PACS1: variants seen among roughly 807,000 people sequenced by gnomAD.
PACS1 encodes the protein PACS-1.
PACS1 carries 24 observed loss-of-function variants against 115.0 expected under a neutral mutation model. That is an observed-to-expected ratio of 0.21 (90% CI 0.15 to 0.29). The LOEUF (loss-of-function observed/expected upper bound fraction) is 0.29. PACS1 is among the 10% of genes least tolerant of loss of function. The probability of loss-of-function intolerance (pLI) is 1.00; values close to 1 mark genes in which losing one functional copy is unlikely to be tolerated. For missense variants in PACS1, 838 were observed against 1,251.2 expected, an observed-to-expected ratio of 0.67 and a Z score of 4.98; for synonymous variants, 453 against 504.5, an observed-to-expected ratio of 0.90 and a Z score of 1.37.
chr11:66,096,209 C>CTTTTTTTTTTT (rs66569530), intron 1 of PACS1, among the ~76,000 whole-genome samples: 25 of 119,508 alleles, frequency 2.1e-4, no homozygotes, highest in East Asian at 2.9e-4. Context: ...CTTTTTCTTT[C>CTTTTTTTTTTT]TTTTTTTTTT....
At chr11:66,185,183 T>C (rs1860098070) in intron 1 of PACS1, among the ~76,000 whole-genome samples, 1 of 152,176 alleles carries the variant, frequency 6.6e-6, no homozygotes, top group South Asian at 2.1e-4. Context: ...CCAAGATTCG[T>C]TGTTTTGTTA....
intron 1 of PACS1, among the ~76,000 whole-genome samples, chr11:66,087,092 GC>G (rs1378108381): frequency 6.6e-6 from 1 of 151,782 alleles, no homozygotes; most frequent in African/African-American, 2.4e-5. Context: ...CATTACCAAC[GC>G]CCCAGAACAT....
intron 1 of PACS1, among the ~76,000 whole-genome samples, chr11:66,071,952 C>T (rs952257614): frequency 2.0e-5 from 3 of 152,168 alleles, no homozygotes; most frequent in African/African-American, 7.2e-5. Flanking sequence ...AGGAACAGAG[C>T]ATTATCGCTT....
chr11:66,193,393 A>G, intron 1 of PACS1, 93 bp from the exon 2 acceptor site: 2 of 789,182 alleles, frequency 2.5e-6, no homozygotes, highest in East Asian at 2.6e-5. Flanking sequence ...TCACATTCTT[A>G]CTTCAGGTAA....
intron 1 of PACS1, among the ~76,000 whole-genome samples, chr11:66,119,179 C>A (rs531241345): frequency 6.6e-6 from 1 of 152,224 alleles, no homozygotes; most frequent in Non-Finnish European, 1.5e-5. Context: ...GATCACCAGA[C>A]TCTGTGGCCC....
intron 1 of PACS1, among the ~76,000 whole-genome samples, chr11:66,119,911 C>T (rs976593864): frequency 1.3e-5 from 2 of 152,096 alleles, no homozygotes; most frequent in African/African-American, 4.8e-5. Flanking sequence ...CCGTTCAGCT[C>T]AGTAGAGACA....
rs191832808 is a variant in PACS1, at chr11:66,244,188, C to A, written c.*908C>A. 1.3e-5 allele frequency: 2 copies of A among 152,362 alleles called. No homozygotes were observed. Among genetic ancestry groups the A allele is most frequent in the South Asian group, 2.1e-4 (1 of 4,832 alleles). The allele number at this position is 152,362 out of a possible 1,614,324, so 9.4% of individuals were successfully genotyped here. On this transcript the variant is annotated 3_prime_UTR_variant, in exon 24 of 24. Coordinates refer to ENST00000320580, the MANE Select transcript of PACS1 (RefSeq NM_018026.4). ...TGGACTTGGAGAGATGGGAGGCAGA[C>A]CCCCACCACCATACATGCTGTCTGT... is the stretch of plus-strand genomic sequence containing the variant.
chr11:66,210,512 C>T (rs1431157252), intron 3 of PACS1, 61 bp downstream of exon 3: 4 of 1,187,102 alleles, frequency 3.4e-6, no homozygotes, highest in Non-Finnish European at 5.1e-6. Flanking sequence ...CCCAGACAGT[C>T]CTCTAACCCA....
chr11:66,210,583 C>T (rs770245728), intron 3 of PACS1, 132 bp downstream of exon 3: 181 of 721,178 alleles, frequency 2.5e-4, no homozygotes, highest in Middle Eastern at 6.3e-4. Context: ...TAAAAGTCAC[C>T]TGGAGGTTTA....
In PACS1 at chr11:66,221,988, C is replaced by T. The variant is rs142469901; in HGVS notation, c.1293+741C>T. Among the ~76,000 whole-genome samples the T allele has an allele frequency of 9.5e-3, 1,446 of 152,266 alleles. 20 individuals carry two copies. The highest frequency in any genetic ancestry group is 0.032 in the African/African-American group (1,329 of 41,546). ...AAAGTTAGCCAGGCATGGTGGTGCA[C>T]GTCTGTAGACCCAGCTACTTGGGAG... On this transcript the variant is annotated intron_variant, in intron 10 of 23. Coordinates refer to ENST00000320580, the MANE Select transcript of PACS1 (RefSeq NM_018026.4).
chr11:66,193,473 T>A lies in PACS1; in HGVS notation c.357-13T>A, dbSNP rs1244377740. The A allele has an allele frequency of 6.3e-7, 1 of 1,589,190 alleles. No individual in the cohort carries two copies. Among genetic ancestry groups the A allele is most frequent in the South Asian group, 1.1e-5 (1 of 90,472 alleles). On this transcript the variant is annotated splice_polypyrimidine_tract_variant and intron_variant, in intron 1 of 23. Coordinates refer to ENST00000320580, the MANE Select transcript of PACS1 (RefSeq NM_018026.4). Reference sequence around the variant, plus strand: ...CTCGCATATGACAGCATCTTCCTTCTCTGTTTTTCTAGGCTATTCAGCTTG... The same window carrying A: ...CTCGCATATGACAGCATCTTCCTTCACTGTTTTTCTAGGCTATTCAGCTTG...
chr11:66,174,239 C>G (rs1377825203), intron 1 of PACS1, among the ~76,000 whole-genome samples: 1 of 152,124 alleles, frequency 6.6e-6, no homozygotes, highest in Non-Finnish European at 1.5e-5. Flanking sequence ...ATAACACTTA[C>G]TGAATGACCT....
In PACS1 at chr11:66,077,703, G is replaced by T. The variant is rs920707562; in HGVS notation, c.356+6861G>T. 2.1e-3 allele frequency among the ~76,000 whole-genome samples: 274 copies of T among 131,252 alleles called. 1 individual carries two copies. The highest frequency in any genetic ancestry group is 8.0e-3 in the Middle Eastern group (2 of 250). 86.1% of individuals were successfully genotyped at this position (131,252 alleles called of 152,430 possible). On this transcript the variant is annotated intron_variant, in intron 1 of 23. Transcript: ENST00000320580. ...GCAGATCCTTTTAAATTGTAAGTTT[G>T]TTTTTTTTTTTTTTTTGAGACGGAG...
chr11:66,216,620 C>T lies in PACS1; in HGVS notation c.897+9C>T, dbSNP rs184374266. On this transcript the variant is annotated intron_variant, in intron 6 of 23. Coordinates refer to ENST00000320580, the MANE Select transcript of PACS1 (RefSeq NM_018026.4). ...ATCCATTGCATGGGCAGGTAACTTT[C>T]TGTGGTCCCTCACATGGCGTGTCCA... is the stretch of plus-strand genomic sequence containing the variant. The T allele has an allele frequency of 3.4e-5, 55 of 1,612,498 alleles. No individual in the cohort carries two copies. Among genetic ancestry groups the T allele is most frequent in the Non-Finnish European group, 3.3e-5 (39 of 1,178,576 alleles).
chr11:66,095,056 AAG>A (rs1857749197), intron 1 of PACS1, among the ~76,000 whole-genome samples: 1 of 149,620 alleles, frequency 6.7e-6, no homozygotes, highest in Non-Finnish European at 1.5e-5. Flanking sequence ...TCAAAATAAT[AAG>A]AGCTATCTAT....
intron 3 of PACS1, 76 bp from the exon 4 acceptor site, chr11:66,211,058 G>A: frequency 2.0e-6 from 3 of 1,532,346 alleles, no homozygotes; most frequent in Non-Finnish European, 2.7e-6. Context: ...AGCACAGAAA[G>A]ACTGTGTGTC....
chr11:66,157,143 G>C (rs1859380700), intron 1 of PACS1, among the ~76,000 whole-genome samples: 1 of 152,138 alleles, frequency 6.6e-6, no homozygotes, highest in South Asian at 2.1e-4. Flanking sequence ...GGTCAGGAGA[G>C]ACTTTTAGAA....
chr11:66,110,917 A>G (rs1269956484), intron 1 of PACS1, among the ~76,000 whole-genome samples: 2 of 151,968 alleles, frequency 1.3e-5, no homozygotes, highest in East Asian at 3.9e-4. Flanking sequence ...TTTCTTCCCT[A>G]CCAACCCTCC....
intron 10 of PACS1, among the ~76,000 whole-genome samples, chr11:66,224,754 T>A (rs1356440285): frequency 2.0e-5 from 3 of 152,206 alleles, no homozygotes; most frequent in African/African-American, 7.2e-5. Context: ...AGAACCAGAC[T>A]GCGCTCTTAA....
Sources: gnomAD v4.1 joint callset for allele counts (sites outside exome capture counted in the v4.1 genomes callset) on GRCh38, gnomAD v4.1.1 for gene constraint, MANE v1.5 for transcripts, NCBI Gene and HGNC (gene_info 2026-07-23, HGNC 2026-07-21) for gene names.